Variants in UNC13B observed in about 807,000 individuals in gnomAD.
The protein encoded by UNC13B is protein unc-13 homolog B.
In UNC13B, 144 loss-of-function variants were observed where a neutral mutation model predicts 211.0. The ratio of observed to expected loss-of-function variants is 0.68; its 90% CI spans 0.60 to 0.78. The LOEUF is 0.78. Ranked by LOEUF, UNC13B falls within the 30% of genes least tolerant of loss-of-function variation. The pLI, the probability that UNC13B is intolerant of heterozygous loss-of-function variation, is 0.00. For synonymous variants in UNC13B, 709 were observed against 725.8 expected (o/e 0.98, Z 0.37); for missense variants, 1,777 against 2,002.0 (o/e 0.89, Z 2.14).
intron 1 of UNC13B, among the ~76,000 whole-genome samples, chr9:35,170,815 CT>C (rs760467223): frequency 1.3e-5 from 2 of 150,366 alleles, no homozygotes; most frequent in Admixed American, 6.7e-5. Context: ...TATACCTTCT[CT>C]TTTTTTTTGA....
chr9:35,380,059 A>G (rs4879893), intron 17 of UNC13B, among the ~76,000 whole-genome samples: 25,182 of 152,092 alleles, frequency 0.17, 3,156 homozygotes, highest in African/African-American at 0.34. Context: ...GCCTACCATG[A>G]ACATGTCTAG....
At chr9:35,269,405 C>G (rs567498091) in intron 7 of UNC13B, among the ~76,000 whole-genome samples, 3 of 152,198 alleles carry the variant, frequency 2.0e-5, no homozygotes, top group Non-Finnish European at 4.4e-5. Context: ...GCACTACTCT[C>G]CCTGTGGGTG....
chr9:35,241,895 G>A (rs1825834033), intron 5 of UNC13B, among the ~76,000 whole-genome samples: 1 of 152,158 alleles, frequency 6.6e-6, no homozygotes, highest in Non-Finnish European at 1.5e-5. Context: ...GCTACCAGTT[G>A]TTAAAGAGCT....
At chr9:35,282,003 A>G (rs1320208114) in intron 7 of UNC13B, among the ~76,000 whole-genome samples, 7 of 152,222 alleles carry the variant, frequency 4.6e-5, no homozygotes, top group Non-Finnish European at 8.8e-5. Context: ...CTTGAATGCC[A>G]TAGCAAGCTG....
chr9:35,182,332 T>C (rs1315448381), intron 1 of UNC13B, among the ~76,000 whole-genome samples: 1 of 152,086 alleles, frequency 6.6e-6, no homozygotes, highest in East Asian at 1.9e-4. Flanking sequence ...CTCTCAGCAG[T>C]CTTCCTCAGT....
chr9:35,328,646 T>TCCTC (rs1554703685), intron 11 of UNC13B, among the ~76,000 whole-genome samples: 3,662 of 83,452 alleles, frequency 0.044, 92 homozygotes, highest in Non-Finnish European at 0.057. Flanking sequence ...CTTCCTTCCT[T>TCCTC]CCTTCCTTCC....
chr9:35,269,431 G>A (rs1827755104), intron 7 of UNC13B, among the ~76,000 whole-genome samples: 1 of 152,190 alleles, frequency 6.6e-6, no homozygotes, highest in Admixed American at 6.5e-5. Flanking sequence ...TTGTTCACCA[G>A]TGTGGAAACT....
In UNC13B at chr9:35,259,024, C is replaced by A. The variant is rs756377466; in HGVS notation, c.500C>A (p.Pro167Gln). 4.3e-6 allele frequency: 7 copies of A among 1,613,874 alleles called. No homozygotes were observed. The East Asian group carries it at 1.6e-4, about 36-fold the overall frequency. Residue 167 changes from proline (P) to glutamine (Q), a missense_variant, in exon 7 of 40, where the codon CCA becomes CAA. Coordinates refer to ENST00000635942, the MANE Select transcript of UNC13B (RefSeq NM_001371189.2). ...YSSQEESQRK[P>Q]LPTAAAQCSF... Reference sequence around the variant, plus strand: ...AGTCAAGAAGAAAGCCAGAGGAAGCCATTGCCCACTGCTGCCGCCCAGTGT... The same window carrying A: ...AGTCAAGAAGAAAGCCAGAGGAAGCAATTGCCCACTGCTGCCGCCCAGTGT...
chr9:35,338,731 C>G (rs752217505), intron 11 of UNC13B, among the ~76,000 whole-genome samples: 2 of 152,176 alleles, frequency 1.3e-5, no homozygotes, highest in Non-Finnish European at 2.9e-5. Flanking sequence ...ATCCTTTGTA[C>G]TCTGCGTCTG....
chr9:35,352,196 T>C, intron 11 of UNC13B: 1 of 1,232,208 alleles, frequency 8.1e-7, no homozygotes, highest in Non-Finnish European at 1.0e-6. Context: ...TCTGTATTTG[T>C]ACGGACTTCC....
chr9:35,403,884 G>A lies in UNC13B; in HGVS notation c.12874G>A (p.Ala4292Thr), dbSNP rs951420356. The A allele has an allele frequency of 2.5e-6, 4 of 1,614,068 alleles. No individual in the cohort carries two copies. The African/African-American group carries it at 5.3e-5, about 22-fold the overall frequency. The change falls in exon 40 of 40, where the codon GCC becomes ACC. Residue 4292 changes from alanine (A) to threonine (T), a missense_variant. By Grantham distance (58) the Ala-to-Thr change is moderately conservative. Transcript: ENST00000635942. ...LRDVTAKGSC[A>T]CWCPLGRKIH... ...GGATGTCACAGCCAAGGGCAGCTGT[G>A]CCTGCTGGTGCCCCTTGGGCCGGAA...
At chr9:35,211,067 T>C (rs1315878291) in intron 1 of UNC13B, among the ~76,000 whole-genome samples, 1 of 152,220 alleles carries the variant, frequency 6.6e-6, no homozygotes, top group Non-Finnish European at 1.5e-5. Flanking sequence ...CAGTTTTGTG[T>C]GGCAAATATA....
At chr9:35,202,731 G>A (rs911372371) in intron 1 of UNC13B, among the ~76,000 whole-genome samples, 2 of 150,564 alleles carry the variant, frequency 1.3e-5, no homozygotes, top group African/African-American at 4.9e-5. Context: ...TTTATTTTGA[G>A]CCTATATGTG....
intron 11 of UNC13B, chr9:35,364,509 T>C: frequency 6.5e-7 from 1 of 1,535,918 alleles, no homozygotes; most frequent in Non-Finnish European, 8.7e-7. Flanking sequence ...TCTACTAACC[T>C]TTCTGCCCTT....
At chr9:35,322,944 A>T (rs555583312) in intron 11 of UNC13B, among the ~76,000 whole-genome samples, 55 of 152,204 alleles carry the variant, frequency 3.6e-4, no homozygotes, top group African/African-American at 1.3e-3. Flanking sequence ...TCTAAAAAAA[A>T]CTGAAGAATG....
chr9:35,342,421 A>G, intron 11 of UNC13B: 2 of 932,636 alleles, frequency 2.1e-6, no homozygotes, highest in South Asian at 9.9e-5. Context: ...TGGAATATGG[A>G]GCAGCTACAT....
At chr9:35,275,246 G>T (rs1054236486) in intron 7 of UNC13B, among the ~76,000 whole-genome samples, 1 of 152,028 alleles carries the variant, frequency 6.6e-6, no homozygotes, top group African/African-American at 2.4e-5. Context: ...TGTTCTTTCC[G>T]CTATACCACC....
intron 1 of UNC13B, among the ~76,000 whole-genome samples, chr9:35,221,267 ACCATGTTG>A (rs1824550059): frequency 6.6e-6 from 1 of 151,988 alleles, no homozygotes; most frequent in South Asian, 2.1e-4. Context: ...ACGAGTTTTC[ACCATGTTG>A]CCCAGGCTGG....
chr9:35,204,362 T>C (rs534574411), intron 1 of UNC13B, among the ~76,000 whole-genome samples: 1 of 152,226 alleles, frequency 6.6e-6, no homozygotes, highest in Non-Finnish European at 1.5e-5. Context: ...GAGTCCACAC[T>C]GGGGCACTGC....
Sources: gnomAD v4.1 joint callset for allele counts (sites outside exome capture counted in the v4.1 genomes callset) on GRCh38, gnomAD v4.1.1 for gene constraint, MANE v1.5 for transcripts, NCBI Gene and HGNC (gene_info 2026-07-23, HGNC 2026-07-21) for gene names.